GMDS: variants seen among roughly 807,000 people sequenced by gnomAD.
GMDS encodes the protein GDP-mannose 4,6 dehydratase.
GMDS carries 20 observed loss-of-function variants against 49.9 expected under a neutral mutation model. The observed-to-expected ratio is 0.40, with a 90% CI of 0.28 to 0.58. The LOEUF is 0.58. Ranked by LOEUF, GMDS falls within the 20% of genes least tolerant of loss-of-function variation. GMDS has a pLI of 0.42. For missense variants in GMDS, 362 were observed against 481.4 expected (o/e 0.75, Z 2.32); for synonymous variants, 177 against 178.6 (o/e 0.99, Z 0.07).
intron 6 of GMDS, among the ~76,000 whole-genome samples, chr6:1,947,689 T>G (rs988732258): frequency 1.3e-5 from 2 of 152,200 alleles, no homozygotes; most frequent in Non-Finnish European, 2.9e-5. Context: ...AATCTGGGAA[T>G]TTTTTACTCT....
intron 9 of GMDS, among the ~76,000 whole-genome samples, chr6:1,676,976 A>T (rs962883898): frequency 9.9e-5 from 15 of 152,194 alleles, no homozygotes; most frequent in Non-Finnish European, 1.6e-4. Context: ...AAAAGAAACT[A>T]ACAGAGTGAA....
At chr6:2,239,036 A>C (rs1344386826) in intron 1 of GMDS, among the ~76,000 whole-genome samples, 1 of 152,186 alleles carries the variant, frequency 6.6e-6, no homozygotes, top group Non-Finnish European at 1.5e-5. Context: ...ATTTAAAAAA[A>C]AAACTATCCT....
At chr6:2,233,381 T>TA (rs1474596425) in intron 1 of GMDS, among the ~76,000 whole-genome samples, 1 of 151,622 alleles carries the variant, frequency 6.6e-6, no homozygotes, top group East Asian at 1.9e-4. Context: ...CAGCAAACCT[T>TA]AGAAAACTTT....
chr6:1,709,643 G>T (rs1040315683), intron 9 of GMDS, among the ~76,000 whole-genome samples: 1 of 152,154 alleles, frequency 6.6e-6, no homozygotes, highest in African/African-American at 2.4e-5. Context: ...AACGTGGGTG[G>T]GCCTTGGCTC....
chr6:1,821,832 G>A lies in GMDS; in HGVS notation c.772-79246C>T, dbSNP rs555531034. 7.9e-5 allele frequency among the ~76,000 whole-genome samples: 12 copies of A among 152,126 alleles called. No individual in the cohort carries two copies. In the South Asian group the frequency reaches 2.5e-3, roughly 32 times the overall value. On this transcript the variant is annotated intron_variant, in intron 7 of 10. Transcript: ENST00000380815. ...ACATTTCAACTTTCATGACAGTGGCGGGCTCAGTCTTGCGGCGGGGGAGGG... is the reference window on the plus strand; with the variant it reads ...ACATTTCAACTTTCATGACAGTGGCAGGCTCAGTCTTGCGGCGGGGGAGGG...
At chr6:1,853,482 C>A (rs909406829) in intron 7 of GMDS, among the ~76,000 whole-genome samples, 4 of 137,738 alleles carry the variant, frequency 2.9e-5, no homozygotes, top group Non-Finnish European at 4.5e-5. Context: ...CGCGCCACTG[C>A]ACTCCAGCCT....
chr6:1,824,417 GC>G (rs913591088), intron 7 of GMDS, among the ~76,000 whole-genome samples: 1 of 151,856 alleles, frequency 6.6e-6, no homozygotes, highest in African/African-American at 2.4e-5. Context: ...GCCGCGCCCC[GC>G]CCCCCATACA....
rs1392707906 is a variant in GMDS at position 2,191,479 on chromosome 6, G to A, written c.102+53842C>T. Reference sequence around the variant, plus strand: ...GACACATCTGCAGCCGCCCAGGTGGGGCTGTGGACCCGGGCCTCTCTGCAC... The same window carrying A: ...GACACATCTGCAGCCGCCCAGGTGGAGCTGTGGACCCGGGCCTCTCTGCAC... On this transcript the variant is annotated intron_variant, in intron 1 of 10. Transcript: ENST00000380815. The surrounding 1 kb of genome is among the most constrained non-coding windows in gnomAD (Gnocchi z 4.6). Among the ~76,000 whole-genome samples the A allele has an allele frequency of 2.0e-5, 3 of 152,194 alleles. No homozygotes were observed. The highest frequency in any genetic ancestry group is 4.4e-5 in the Non-Finnish European group (3 of 68,026).
At chr6:1,910,252 G>T (rs1760982784) in intron 7 of GMDS, among the ~76,000 whole-genome samples, 1 of 145,488 alleles carries the variant, frequency 6.9e-6, no homozygotes, top group African/African-American at 2.6e-5. Flanking sequence ...TTTTTGTCCT[G>T]GTATGTTTAA....
intron 1 of GMDS, among the ~76,000 whole-genome samples, chr6:2,176,751 T>C (rs1285178152): frequency 6.6e-6 from 1 of 152,126 alleles, no homozygotes; most frequent in African/African-American, 2.4e-5. Flanking sequence ...AAAGTGGGAA[T>C]TGGCCCAGAA....
chr6:2,245,356 T>C lies in GMDS; in HGVS notation c.67A>G (p.Arg23Gly). The change falls in exon 1 of 11, where the codon AGG becomes GGG. Residue 23 changes from arginine to glycine, a missense_variant. Physicochemically the swap from Arg to Gly is moderately radical, Grantham distance 125. Transcript: ENST00000380815. Reference protein sequence around the residue: ...GSGDGEMGKPRNVALITGITG... With the variant: ...GSGDGEMGKPGNVALITGITG... The stretch of plus-strand genomic sequence containing the variant: ...ATACCGGTGATGAGCGCCACGTTCC[T>C]GGGCTTGCCCATCTCGCCGTCCCCG... The C allele has an allele frequency of 6.4e-7, 1 of 1,553,576 alleles. No individual in the cohort carries two copies. The highest frequency in any genetic ancestry group is 8.7e-7 in the Non-Finnish European group (1 of 1,154,778).
At chr6:1,662,196 G>A (rs1037773418) in intron 9 of GMDS, among the ~76,000 whole-genome samples, 1 of 152,098 alleles carries the variant, frequency 6.6e-6, no homozygotes, top group African/African-American at 2.4e-5. Flanking sequence ...GCTCCCCCAG[G>A]TGAACATTAC....
At chr6:1,934,921 G>A (rs912308) in intron 6 of GMDS, among the ~76,000 whole-genome samples, 18,341 of 152,114 alleles carry the variant, frequency 0.12, 1,182 homozygotes, top group South Asian at 0.19. Context: ...ACAAGTAGCC[G>A]AGCCGGACCC....
At chr6:1,691,659 T>C (rs989193273) in intron 9 of GMDS, among the ~76,000 whole-genome samples, 7 of 152,222 alleles carry the variant, frequency 4.6e-5, no homozygotes, top group African/African-American at 1.7e-4. Context: ...TTATATGGTA[T>C]AGTTACAGTG....
intron 7 of GMDS, among the ~76,000 whole-genome samples, chr6:1,831,342 T>C (rs1481431388): frequency 6.6e-6 from 1 of 152,248 alleles, no homozygotes; most frequent in East Asian, 1.9e-4. Flanking sequence ...GTGCCATTTC[T>C]CAGTTTCTTT....
chr6:2,050,695 T>A (rs1770337203), intron 4 of GMDS, among the ~76,000 whole-genome samples: 1 of 152,200 alleles, frequency 6.6e-6, no homozygotes, highest in African/African-American at 2.4e-5. Flanking sequence ...CAAGTCGGCT[T>A]CATCCCTGGG....
At chr6:2,172,830 A>G (rs1561630195) in intron 1 of GMDS, among the ~76,000 whole-genome samples, 1 of 152,206 alleles carries the variant, frequency 6.6e-6, no homozygotes, top group Non-Finnish European at 1.5e-5. Context: ...TTAACAAAGC[A>G]TGGAGGACTG....
intron 4 of GMDS, among the ~76,000 whole-genome samples, chr6:2,057,332 A>G (rs572389589): frequency 3.9e-5 from 6 of 152,312 alleles, no homozygotes; most frequent in African/African-American, 1.4e-4. Flanking sequence ...AACTCAACAA[A>G]TAATTACTAA....
At chr6:2,193,431 G>A (rs1779139401) in intron 1 of GMDS, among the ~76,000 whole-genome samples, 1 of 152,204 alleles carries the variant, frequency 6.6e-6, no homozygotes, top group Non-Finnish European at 1.5e-5. Flanking sequence ...GTCTGCATCT[G>A]CAGCTGCCAC....
Sources: allele counts gnomAD v4.1 joint callset (sites outside exome capture counted in the v4.1 genomes callset), GRCh38; gene constraint gnomAD v4.1.1; non-coding constraint Gnocchi (gnomAD v3.1); transcripts MANE v1.5; gene names NCBI Gene and HGNC (gene_info 2026-07-23, HGNC 2026-07-21).